MNAT1: variants seen among roughly 807,000 people sequenced by gnomAD.
MNAT1 encodes the protein MNAT1 component of CDK activating kinase, also known as CDK-activating kinase assembly factor MAT1.
Under a neutral mutation model 42.0 loss-of-function variants are expected in MNAT1, and 43 were observed. The observed-to-expected ratio is 1.02, with a 90% CI of 0.80 to 1.32. The LOEUF is 1.32. Among genes scored for constraint, MNAT1 ranks in the 40% most tolerant of loss-of-function variants. The pLI is 0.00. For synonymous variants in MNAT1, 118 were observed against 120.0 expected, an observed-to-expected ratio of 0.98 and a Z score of 0.11; for missense variants, 306 against 350.4, an observed-to-expected ratio of 0.87 and a Z score of 1.01.
At chr14:60,879,463 C>A (rs911272276) in intron 6 of MNAT1, among the ~76,000 whole-genome samples, 1 of 152,104 alleles carries the variant, frequency 6.6e-6, no homozygotes, top group African/African-American at 2.4e-5. Flanking sequence ...CATTGAACAA[C>A]TATACTGTTT....
chr14:60,747,118 T>TC (rs1896660550), intron 1 of MNAT1, among the ~76,000 whole-genome samples: 1 of 150,170 alleles, frequency 6.7e-6, no homozygotes, highest in Non-Finnish European at 1.5e-5. Flanking sequence ...CCTGAGTAGC[T>TC]GGACTACAGG....
At chr14:60,834,990 G>GCCCTCCCT (rs1250121142) in intron 6 of MNAT1, among the ~76,000 whole-genome samples, 4 of 28,958 alleles carry the variant, frequency 1.4e-4, no homozygotes, top group African/African-American at 3.2e-4. Context: ...CCTTGCTCCC[G>GCCCTCCCT]CCCTCCCTCC....
intron 7 of MNAT1, among the ~76,000 whole-genome samples, chr14:60,937,586 T>C (rs932795075): frequency 1.3e-5 from 2 of 152,242 alleles, no homozygotes; most frequent in Non-Finnish European, 2.9e-5. Flanking sequence ...TCCATTGGTC[T>C]ATATGTCTGT....
At chr14:60,801,941 T>A (rs929976957) in intron 3 of MNAT1, among the ~76,000 whole-genome samples, 2 of 152,162 alleles carry the variant, frequency 1.3e-5, no homozygotes, top group African/African-American at 4.8e-5. Context: ...TACTTCAGCC[T>A]TAAAAAAGAA....
chr14:60,837,530 T>G (rs1023714971), intron 6 of MNAT1, among the ~76,000 whole-genome samples: 1 of 152,200 alleles, frequency 6.6e-6, no homozygotes, highest in Non-Finnish European at 1.5e-5. Context: ...CTGCTTTGGC[T>G]CACCCTCCAT....
intron 7 of MNAT1, among the ~76,000 whole-genome samples, chr14:60,942,024 A>AG (rs2036174447): frequency 6.6e-6 from 1 of 150,422 alleles, no homozygotes; most frequent in Non-Finnish European, 1.5e-5. Flanking sequence ...AAAAAAAAAA[A>AG]AAAAAAAAGT....
rs145250072 is a variant in MNAT1, at chr14:60,746,123, T to C, written c.89+11172T>C. Among the ~76,000 whole-genome samples, 248 of 152,234 alleles carry C rather than the reference T, an allele frequency of 1.6e-3. 1 individual carries two copies. The highest frequency in any genetic ancestry group is 0.01 in the Middle Eastern group (3 of 294). Reference sequence around the variant, plus strand: ...TCTAGTTTCACCATAGACTAGCGAGTTATAGGCCAGCCATTTAACTTTGGT... The same window carrying C: ...TCTAGTTTCACCATAGACTAGCGAGCTATAGGCCAGCCATTTAACTTTGGT... On this transcript the variant is annotated intron_variant, in intron 1 of 7. Coordinates refer to ENST00000261245, the MANE Select transcript of MNAT1 (RefSeq NM_002431.4).
At chr14:60,861,666 A>C (rs2034098474) in intron 6 of MNAT1, among the ~76,000 whole-genome samples, 1 of 152,228 alleles carries the variant, frequency 6.6e-6, no homozygotes, top group Non-Finnish European at 1.5e-5. Flanking sequence ...ATTCACCTGA[A>C]TCAACATATT....
At chr14:60,788,680 C>G (rs1021607994) in intron 1 of MNAT1, among the ~76,000 whole-genome samples, 2 of 152,198 alleles carry the variant, frequency 1.3e-5, no homozygotes, top group African/African-American at 2.4e-5. Context: ...TGCTGCTTCA[C>G]CTTGCACTTT....
At chr14:60,781,926 G>T (rs991554579) in intron 1 of MNAT1, among the ~76,000 whole-genome samples, 1 of 145,836 alleles carries the variant, frequency 6.9e-6, no homozygotes, top group African/African-American at 2.5e-5. Flanking sequence ...TTCCTATGCC[G>T]TATTTCCATG....
chr14:60,817,916 A>G (rs2032764204), intron 5 of MNAT1, among the ~76,000 whole-genome samples: 1 of 151,652 alleles, frequency 6.6e-6, no homozygotes, highest in Non-Finnish European at 1.5e-5. Flanking sequence ...TTGTGTGTGT[A>G]GGAAAGAGAG....
At chr14:60,841,844 A>G (rs1389597669) in intron 6 of MNAT1, among the ~76,000 whole-genome samples, 1 of 152,238 alleles carries the variant, frequency 6.6e-6, no homozygotes, top group Non-Finnish European at 1.5e-5. Flanking sequence ...TCATGGTGAT[A>G]CTATTCTGAA....
chr14:60,784,491 T>C (rs908011861), intron 1 of MNAT1, among the ~76,000 whole-genome samples: 3 of 151,836 alleles, frequency 2.0e-5, no homozygotes, highest in African/African-American at 7.3e-5. Context: ...AAATATTTTT[T>C]CCCCCGCAAG....
chr14:60,961,707 C>A (rs556062150), intron 7 of MNAT1, among the ~76,000 whole-genome samples: 1 of 152,246 alleles, frequency 6.6e-6, no homozygotes, highest in Non-Finnish European at 1.5e-5. Flanking sequence ...ATTATCAGGG[C>A]TACTTCAATA....
At chr14:60,747,617 G>A (rs1454868086) in intron 1 of MNAT1, among the ~76,000 whole-genome samples, 3 of 152,142 alleles carry the variant, frequency 2.0e-5, no homozygotes, top group African/African-American at 4.8e-5. Flanking sequence ...GTTGTTCTGG[G>A]TGAGTCAGTA....
chr14:60,783,486 G>A (rs149763675), intron 1 of MNAT1, among the ~76,000 whole-genome samples: 1 of 152,174 alleles, frequency 6.6e-6, no homozygotes, highest in Admixed American at 6.5e-5. Context: ...ATACCATTAT[G>A]TTGGTACAAA....
At chr14:60,787,015 A>G (rs1372767695) in intron 1 of MNAT1, among the ~76,000 whole-genome samples, 1 of 152,154 alleles carries the variant, frequency 6.6e-6, no homozygotes, top group Non-Finnish European at 1.5e-5. Context: ...CCGAAGTAGA[A>G]TTATAGTAAA....
chr14:60,926,545 G>A (rs924598120), intron 7 of MNAT1, among the ~76,000 whole-genome samples: 7 of 152,174 alleles, frequency 4.6e-5, no homozygotes, highest in Non-Finnish European at 8.8e-5. Flanking sequence ...CTTTACTTAT[G>A]TTTATCCAAC....
intron 6 of MNAT1, among the ~76,000 whole-genome samples, chr14:60,874,168 T>C (rs1235731599): frequency 6.6e-6 from 1 of 152,206 alleles, no homozygotes; most frequent in Non-Finnish European, 1.5e-5. Flanking sequence ...TATTTATCAT[T>C]TATTTAGTAA....
Sources: gnomAD v4.1 joint callset for allele counts (sites outside exome capture counted in the v4.1 genomes callset) on GRCh38, gnomAD v4.1.1 for gene constraint, MANE v1.5 for transcripts, NCBI Gene and HGNC (gene_info 2026-07-23, HGNC 2026-07-21) for gene names.